HMGXB4: variants seen among roughly 807,000 people sequenced by gnomAD.
HMGXB4 encodes the protein HMG-box containing 4.
Under a neutral mutation model 63.9 loss-of-function variants are expected in HMGXB4, and 27 were observed. The ratio of observed to expected loss-of-function variants is 0.42; its 90% CI spans 0.31 to 0.58. The LOEUF (loss-of-function observed/expected upper bound fraction) is 0.58. HMGXB4 is among the 20% of genes least tolerant of loss of function. HMGXB4 has a pLI of 0.13. For missense variants in HMGXB4, 624 were observed against 700.7 expected, an observed-to-expected ratio of 0.89 and a Z score of 1.24; for synonymous variants, 264 against 265.3, an observed-to-expected ratio of 0.99 and a Z score of 0.05.
At chr22:35,271,634 A>T (rs974426318) in intron 5 of HMGXB4, among the ~76,000 whole-genome samples, 1 of 152,208 alleles carries the variant, frequency 6.6e-6, no homozygotes, top group Non-Finnish European at 1.5e-5. Flanking sequence ...GTGAGGATTA[A>T]ATGAGGCAAT....
At chr22:35,290,630 CAAAA>C (rs767279436) in intron 9 of HMGXB4, among the ~76,000 whole-genome samples, 7 of 52,858 alleles carry the variant, frequency 1.3e-4, no homozygotes, top group Non-Finnish European at 2.5e-4. Context: ...GACTCCGCCT[CAAAA>C]AAAAAAAAAA....
intron 8 of HMGXB4, among the ~76,000 whole-genome samples, chr22:35,287,987 T>C (rs1185153675): frequency 4.6e-5 from 7 of 152,222 alleles, no homozygotes; most frequent in Non-Finnish European, 8.8e-5. Flanking sequence ...TTATAGGCCT[T>C]GTGTGCCGTA....
chr22:35,265,594 A>G lies in HMGXB4; in HGVS notation c.1206A>G (p.Arg402=). ...AAGAGAAGGACAAAGAGAGAGAGAG[A>G]GGAGAAAAGGTAAAGCATCTTTTAA... is the stretch of plus-strand genomic sequence containing the variant. ...KKEEKDKERE[R]GEKPKKKNMS... The change falls in exon 5 of 11, where the codon AGA becomes AGG. Residue 402 remains arginine, a synonymous_variant. Coordinates refer to ENST00000216106, the MANE Select transcript of HMGXB4 (RefSeq NM_001003681.3). The G allele has an allele frequency of 1.9e-6, 3 of 1,569,072 alleles. No homozygotes were observed. The highest frequency in any genetic ancestry group is 2.6e-6 in the Non-Finnish European group (3 of 1,159,682).
At chr22:35,263,971 C>G (rs1923033586) in intron 4 of HMGXB4, 97 bp downstream of exon 4, 1 of 1,582,332 alleles carries the variant, frequency 6.3e-7, no homozygotes, top group Non-Finnish European at 8.6e-7. Context: ...ACTCAGTGGC[C>G]TATTTAACAG....
Position 35,265,549 on chromosome 22 carries a change from T to TA in HMGXB4, c.1161_1162insA (p.Glu388ArgfsTer32). 6.3e-7 allele frequency: 1 copy of TA among 1,582,614 alleles called. No individual in the cohort carries two copies. Among genetic ancestry groups the TA allele is most frequent in the Admixed American group, 1.9e-5 (1 of 52,330 alleles). On this transcript the variant is annotated frameshift_variant, in exon 5 of 11. Coordinates refer to ENST00000216106, the MANE Select transcript of HMGXB4 (RefSeq NM_001003681.3). LOFTEE classifies it high-confidence loss of function. Reference sequence around the variant, plus strand: ...CTGGCCTCCACACAGATGGGCATAGTGAAAAAAAAAAGAAAAAAGAAGAGA... The same window carrying TA: ...CTGGCCTCCACACAGATGGGCATAGTAGAAAAAAAAAAGAAAAAAGAAGAGA...
upstream of HMGXB4, among the ~76,000 whole-genome samples, chr22:35,254,893 G>A (rs1292624790): frequency 1.3e-5 from 2 of 152,054 alleles, no homozygotes; most frequent in African/African-American, 4.8e-5. Context: ...ATCTTCAGGT[G>A]GACTAAAAGA....
Position 35,292,863 on chromosome 22 carries a change from T to G in HMGXB4, c.1639-129T>G, listed in dbSNP as rs770363575. 37 of 1,075,372 alleles carry G rather than the reference T, an allele frequency of 3.4e-5. No homozygotes were observed. In the East Asian group the frequency reaches 4.3e-4, roughly 12 times the overall value. 66.6% of individuals were successfully genotyped at this position (1,075,372 alleles called of 1,614,324 possible). A position where few individuals can be genotyped will look rare whatever the true frequency, so the allele number is the denominator to read the frequency against. The stretch of plus-strand genomic sequence containing the variant: ...CTTACAGAGTTATCAAAGTAAACTT[T>G]CCATTTCTGCTGTAAAGTTTCAAAT... On this transcript the variant is annotated intron_variant, in intron 9 of 10. Transcript: ENST00000216106.
At chr22:35,278,870 A>T (rs1924063492) in intron 5 of HMGXB4, among the ~76,000 whole-genome samples, 1 of 96,756 alleles carries the variant, frequency 1.0e-5, no homozygotes, top group South Asian at 4.2e-4. Flanking sequence ...GCAAGACTGC[A>T]TCTCTACAAA....
intron 7 of HMGXB4, chr22:35,287,109 A>T: frequency 2.3e-6 from 1 of 437,562 alleles, no homozygotes; most frequent in Non-Finnish European, 4.2e-6. Context: ...TCTAAAAATC[A>T]GTGCCGAGAT....
chr22:35,252,892 G>A (rs1030536242), upstream of HMGXB4, among the ~76,000 whole-genome samples: 6 of 152,232 alleles, frequency 3.9e-5, no homozygotes, highest in South Asian at 2.1e-4. Flanking sequence ...ATCCCAGCTC[G>A]GGAGGCTGAG....
chr22:35,265,509 C>T lies in HMGXB4; in HGVS notation c.1121C>T (p.Pro374Leu), dbSNP rs1233393347. 5 of 1,613,740 alleles carry T rather than the reference C, an allele frequency of 3.1e-6. No individual in the cohort carries two copies. In the Admixed American group the frequency reaches 8.3e-5, roughly 27 times the overall value. Residue 374 changes from proline to leucine, a missense_variant, in exon 5 of 11, where the codon CCT (proline) becomes CTT (leucine). Transcript: ENST00000216106. ...ATCCCATACGCTGGAGCAGCAGCACCTCCCCTGCCACTTCCTGGCCTCCAC... is the reference window on the plus strand; with the variant it reads ...ATCCCATACGCTGGAGCAGCAGCACTTCCCCTGCCACTTCCTGGCCTCCAC... The part of the protein sequence containing the change: ...PSIPYAGAAA[P>L]PLPLPGLHTD...
At chr22:35,245,220 C>T in the HMGXB4 span, among the ~76,000 whole-genome samples, 4 of 152,022 alleles carry the variant, frequency 2.6e-5, no homozygotes, top group African/African-American at 7.2e-5. Context: ...CTTGTCCCTC[C>T]GCCTCCTCTG....
intron 10 of HMGXB4, among the ~76,000 whole-genome samples, 195 bp downstream of exon 10, chr22:35,293,309 A>G (rs1925040708): frequency 6.6e-6 from 1 of 152,234 alleles, no homozygotes; most frequent in Non-Finnish European, 1.5e-5. Context: ...CCATTTACCA[A>G]AACAGTACTT....
intron 9 of HMGXB4, among the ~76,000 whole-genome samples, chr22:35,290,065 C>A (rs1924831972): frequency 6.6e-6 from 1 of 152,228 alleles, no homozygotes; most frequent in Non-Finnish European, 1.5e-5. Flanking sequence ...AAAAGAACTT[C>A]AGCACCTTCA....
chr22:35,292,841 A>T, intron 9 of HMGXB4, 151 bp from the exon 10 acceptor site: 1 of 865,594 alleles, frequency 1.2e-6, no homozygotes, highest in Non-Finnish European at 1.8e-6. Context: ...TAAACAACTT[A>T]CAGAGTTATC....
At chr22:35,250,957 T>G in the HMGXB4 span, among the ~76,000 whole-genome samples, 1 of 152,174 alleles carries the variant, frequency 6.6e-6, no homozygotes, top group East Asian at 1.9e-4. Flanking sequence ...TATGATTACC[T>G]TGGCTGGAGT....
the HMGXB4 span, among the ~76,000 whole-genome samples, chr22:35,251,587 G>C: frequency 8.8e-4 from 134 of 152,322 alleles, 1 homozygote; most frequent in African/African-American, 3.0e-3. Context: ...TTGTTGCAAT[G>C]CAATATGGGA....
Position 35,294,543 on chromosome 22 carries a change from C to T in HMGXB4, c.*892C>T, listed in dbSNP as rs1030154660. ...GATTTTTGGGTTCATCTTATCAGTTCCCCTGGTGGGCAGATACACAGTGTT... is the reference window on the plus strand; with the variant it reads ...GATTTTTGGGTTCATCTTATCAGTTTCCCTGGTGGGCAGATACACAGTGTT... On this transcript the variant is annotated 3_prime_UTR_variant, in exon 11 of 11. Transcript: ENST00000216106. The T allele has an allele frequency of 2.0e-5, 3 of 152,576 alleles. No individual in the cohort carries two copies. Among genetic ancestry groups the T allele is most frequent in the African/African-American group, 7.2e-5 (3 of 41,434 alleles). The allele number at this position is 152,576 out of a possible 1,614,324, so 9.5% of individuals were successfully genotyped here.
chr22:35,287,122 G>A lies in HMGXB4; in HGVS notation c.1363-225G>A, dbSNP rs1047529616. The stretch of plus-strand genomic sequence containing the variant: ...GATCTAAAAATCAGTGCCGAGATTT[G>A]ACCATTAGCATTGAGGAATGTTTAT... On this transcript the variant is annotated intron_variant, in intron 7 of 10. Coordinates refer to ENST00000216106, the MANE Select transcript of HMGXB4 (RefSeq NM_001003681.3). 14 of 468,002 alleles carry A rather than the reference G, an allele frequency of 3.0e-5. No individual in the cohort carries two copies. The East Asian group carries it at 3.2e-4, about 11-fold the overall frequency. 29.0% of individuals were successfully genotyped at this position (468,002 alleles called of 1,614,324 possible).
Sources: gnomAD v4.1 joint callset for allele counts (sites outside exome capture counted in the v4.1 genomes callset) on GRCh38, gnomAD v4.1.1 for gene constraint, MANE v1.5 for transcripts, NCBI Gene and HGNC (gene_info 2026-07-23, HGNC 2026-07-21) for gene names.